RPGRIP1L: variants seen among roughly 807,000 people sequenced by gnomAD.
RPGRIP1L encodes the protein RPGRIP1 like.
Under a neutral mutation model 160.4 loss-of-function variants are expected in RPGRIP1L, and 131 were observed. The ratio of observed to expected loss-of-function variants is 0.82; its 90% CI spans 0.71 to 0.94. The LOEUF (loss-of-function observed/expected upper bound fraction) is 0.94, where lower values mean the gene tolerates loss of function less well. Among genes scored for constraint, RPGRIP1L ranks in the 40% least tolerant of loss-of-function variants. The pLI is 0.00. For synonymous variants in RPGRIP1L, 510 were observed against 515.8 expected (o/e 0.99, Z 0.15); for missense variants, 1,522 against 1,535.8 (o/e 0.99, Z 0.15).
chr16:53,689,067 T>C (rs1027727339), intron 4 of RPGRIP1L, among the ~76,000 whole-genome samples: 21 of 149,376 alleles, frequency 1.4e-4, no homozygotes, highest in Non-Finnish European at 3.1e-4. Context: ...AATGGCTATA[T>C]ATATATATAT....
In RPGRIP1L at chr16:53,664,853, G is replaced by C. The variant is rs1297655228; in HGVS notation, c.1243+17C>G. 1 of 1,606,872 alleles carries C rather than the reference G, an allele frequency of 6.2e-7. No homozygotes were observed. Among genetic ancestry groups the C allele is most frequent in the African/African-American group, 1.3e-5 (1 of 75,002 alleles). ...AGATGTCTGAAATGAGTAAGGCAGTGGTTATTTCAAATGTACCTCTTTCAG... is the reference window on the plus strand; with the variant it reads ...AGATGTCTGAAATGAGTAAGGCAGTCGTTATTTCAAATGTACCTCTTTCAG... On this transcript the variant is annotated intron_variant, in intron 10 of 26. Coordinates refer to ENST00000647211, the MANE Select transcript of RPGRIP1L (RefSeq NM_015272.5).
At chr16:53,689,569 T>C (rs1198796006) in intron 4 of RPGRIP1L, among the ~76,000 whole-genome samples, 1 of 152,206 alleles carries the variant, frequency 6.6e-6, no homozygotes, top group African/African-American at 2.4e-5. Flanking sequence ...CCATCCTTTA[T>C]CCTGACAAGG....
At chr16:53,624,425 C>T (rs931198705) in intron 22 of RPGRIP1L, among the ~76,000 whole-genome samples, 10 of 151,804 alleles carry the variant, frequency 6.6e-5, no homozygotes, top group African/African-American at 1.2e-4. Flanking sequence ...TGGTGGCACG[C>T]GCCTGGTACT....
rs199786347 is a variant in RPGRIP1L at position 53,658,418 on chromosome 16, A to G, written c.1397T>C (p.Ile466Thr). 4.0e-5 allele frequency: 64 copies of G among 1,609,916 alleles called. 1 individual carries two copies. In the South Asian group the frequency reaches 4.2e-4, roughly 11 times the overall value. The change falls in exon 12 of 27, where the codon ATA becomes ACA. Residue 466 changes from isoleucine to threonine, a missense_variant. Physicochemically the swap from Ile to Thr is moderately conservative, Grantham distance 89. Transcript: ENST00000647211. ...ADELSEALLL[I>T]KAQKEQKNGD... ...CGATGAAGTTCAGAACCTTACCTTT[A>G]TAAGTAGGAGAGCTTCACTCAATTC...
At chr16:53,649,212 C>T (rs1427742914) in intron 15 of RPGRIP1L, 97 bp from the exon 16 acceptor site, 2 of 989,480 alleles carry the variant, frequency 2.0e-6, no homozygotes, top group South Asian at 2.7e-5. Flanking sequence ...TAAAACTATA[C>T]ATTTTATGCT....
chr16:53,689,093 TA>T (rs1420346029), intron 4 of RPGRIP1L, among the ~76,000 whole-genome samples: 1 of 149,324 alleles, frequency 6.7e-6, no homozygotes, highest in Non-Finnish European at 1.5e-5. Flanking sequence ...ATATATGTTA[TA>T]TATATATATA....
At chr16:53,675,463 T>C (rs764627417) in intron 6 of RPGRIP1L, among the ~76,000 whole-genome samples, 2 of 152,114 alleles carry the variant, frequency 1.3e-5, no homozygotes, top group Non-Finnish European at 2.9e-5. Context: ...GTTTTTAGTA[T>C]AGCAATGGTA....
chr16:53,689,919 T>C (rs944570831), intron 4 of RPGRIP1L, among the ~76,000 whole-genome samples: 3 of 152,344 alleles, frequency 2.0e-5, no homozygotes, highest in Middle Eastern at 3.4e-3. Flanking sequence ...TATGTAGTCA[T>C]GTTTTTAAGA....
rs536376284 is a variant in RPGRIP1L, at chr16:53,664,958, C to G, written c.1155G>C (p.Leu385=). The change falls in exon 10 of 27, where the codon CTG becomes CTC. Residue 385 remains leucine (L), a synonymous_variant. Transcript: ENST00000647211. ...EEQWKLKEQQ[L]KVQIAQLETA... ...TCTCGAGCTGAGCAATCTGCACTTT[C>G]AGCTGTTGCTCCTTTAACTTCCATT... The G allele has an allele frequency of 5.0e-6, 8 of 1,613,592 alleles. No homozygotes were observed. The Admixed American group carries it at 5.0e-5, about 10-fold the overall frequency.
chr16:53,646,602 C>T (rs1280084383), intron 16 of RPGRIP1L, among the ~76,000 whole-genome samples: 5 of 152,190 alleles, frequency 3.3e-5, no homozygotes, highest in Non-Finnish European at 7.3e-5. Flanking sequence ...GGAAACTACT[C>T]TACGGTTCCT....
chr16:53,657,046 G>A (rs1233778228), intron 13 of RPGRIP1L, among the ~76,000 whole-genome samples: 1 of 152,104 alleles, frequency 6.6e-6, no homozygotes, highest in Non-Finnish European at 1.5e-5. Context: ...TTAGAGACCA[G>A]TCTGGCTAAC....
intron 22 of RPGRIP1L, among the ~76,000 whole-genome samples, chr16:53,632,884 G>T (rs1965608238): frequency 6.6e-6 from 1 of 152,040 alleles, no homozygotes; most frequent in Non-Finnish European, 1.5e-5. Flanking sequence ...GCTGACTTAG[G>T]GACCCCTTCT....
At chr16:53,627,971 C>T (rs533584729) in intron 22 of RPGRIP1L, among the ~76,000 whole-genome samples, 5 of 152,172 alleles carry the variant, frequency 3.3e-5, no homozygotes, top group Non-Finnish European at 7.4e-5. Context: ...AACAATGTTG[C>T]ATTAAATATC....
intron 22 of RPGRIP1L, among the ~76,000 whole-genome samples, chr16:53,624,003 C>T (rs770413983): frequency 2.6e-5 from 4 of 152,162 alleles, no homozygotes; most frequent in East Asian, 1.9e-4. Flanking sequence ...GTGATCCTCC[C>T]ATCTCAGCCC....
chr16:53,610,856 G>C, intron 25 of RPGRIP1L, 111 bp downstream of exon 25: 1 of 868,264 alleles, frequency 1.2e-6, no homozygotes, highest in Non-Finnish European at 1.9e-6. Flanking sequence ...GAGTGAGTCA[G>C]AGAACCCCGA....
chr16:53,653,427 T>C (rs972421487), intron 14 of RPGRIP1L: 103 of 737,932 alleles, frequency 1.4e-4, no homozygotes, highest in Admixed American at 1.1e-3. Flanking sequence ...TGGATAAGTT[T>C]ATTATCCTGA....
chr16:53,605,369 C>T (rs770279450), intron 26 of RPGRIP1L, 112 bp downstream of exon 26: 6 of 1,207,626 alleles, frequency 5.0e-6, no homozygotes, highest in African/African-American at 1.5e-5. Flanking sequence ...GTAAAGGATT[C>T]AAGTAACGTG....
intron 22 of RPGRIP1L, among the ~76,000 whole-genome samples, chr16:53,623,172 T>C (rs1464223298): frequency 6.6e-6 from 1 of 152,202 alleles, no homozygotes; most frequent in Non-Finnish European, 1.5e-5. Flanking sequence ...TGGGGGTAAC[T>C]AATACAATAG....
rs536305923 is a variant in RPGRIP1L, at chr16:53,673,464, T to C, written c.883-448A>G. Among the ~76,000 whole-genome samples, 4 of 152,218 alleles carry C rather than the reference T, an allele frequency of 2.6e-5. No individual in the cohort carries two copies. The East Asian group carries it at 7.7e-4, about 29-fold the overall frequency. On this transcript the variant is annotated intron_variant, in intron 7 of 26. Coordinates refer to ENST00000647211, the MANE Select transcript of RPGRIP1L (RefSeq NM_015272.5). The stretch of plus-strand genomic sequence containing the variant: ...ATAAACAGCCTTGGATGGTCAGCTT[T>C]TAATTTGCATACAATTAAGTTAAAA...
Sources: allele counts gnomAD v4.1 joint callset (sites outside exome capture counted in the v4.1 genomes callset), GRCh38; gene constraint gnomAD v4.1.1; transcripts MANE v1.5; gene names NCBI Gene and HGNC (gene_info 2026-07-23, HGNC 2026-07-21).